The following PRKCA variants were observed in gnomAD, a reference collection of about 807,000 sequenced individuals.
The protein encoded by PRKCA is protein kinase C alpha type.
Under a neutral mutation model 87.0 loss-of-function variants are expected in PRKCA, and 27 were observed. That is an observed-to-expected ratio of 0.31 (90% CI 0.23 to 0.43). PRKCA has a LOEUF of 0.43. Ranked by LOEUF, PRKCA falls within the 20% of genes least tolerant of loss-of-function variation. The probability of loss-of-function intolerance (pLI) is 1.00; values close to 1 mark genes in which losing one functional copy is unlikely to be tolerated. For missense variants in PRKCA, 518 were observed against 852.3 expected (o/e 0.61, Z 4.88); for synonymous variants, 329 against 311.1 (o/e 1.06, Z -0.61).
chr17:66,569,729 A>G lies in PRKCA; in HGVS notation c.289-71626A>G, dbSNP rs180974269. On this transcript the variant is annotated intron_variant, in intron 3 of 16. Coordinates refer to ENST00000413366, the MANE Select transcript of PRKCA (RefSeq NM_002737.3). ...CAGGGGAATGCAAATTAAAACTGCA[A>G]TGGGATGTCACCAGCAGTCGTAAGA... 1.3e-3 allele frequency among the ~76,000 whole-genome samples: 194 copies of G among 152,342 alleles called. 1 individual carries two copies. Among genetic ancestry groups the G allele is most frequent in the African/African-American group, 4.4e-3 (185 of 41,586 alleles).
At chr17:66,772,716 T>G (rs138784514) in intron 13 of PRKCA, among the ~76,000 whole-genome samples, 2,141 of 152,086 alleles carry the variant, frequency 0.014, 24 homozygotes, top group Middle Eastern at 0.031. Flanking sequence ...TCCATGTTAC[T>G]CCCTTCCACG....
chr17:66,713,617 C>T (rs1445188921), intron 8 of PRKCA, among the ~76,000 whole-genome samples: 3 of 152,152 alleles, frequency 2.0e-5, no homozygotes, highest in Admixed American at 6.5e-5. Flanking sequence ...GGCTACTCTA[C>T]CTGAGAAAGA....
At chr17:66,758,845 G>A (rs1974615433) in intron 13 of PRKCA, among the ~76,000 whole-genome samples, 2 of 152,128 alleles carry the variant, frequency 1.3e-5, no homozygotes, top group Non-Finnish European at 2.9e-5. Flanking sequence ...ACTAACAAGA[G>A]CATCAGAGAA....
At chr17:66,559,621 A>G (rs1177797927) in intron 3 of PRKCA, among the ~76,000 whole-genome samples, 1 of 151,018 alleles carries the variant, frequency 6.6e-6, no homozygotes, top group East Asian at 1.9e-4. Flanking sequence ...CAATAAGGCA[A>G]ATTTTTTTTT....
intron 3 of PRKCA, among the ~76,000 whole-genome samples, chr17:66,548,999 G>A (rs1259792312): frequency 6.6e-6 from 1 of 151,972 alleles, no homozygotes; most frequent in African/African-American, 2.4e-5. Flanking sequence ...TAGAGATGGG[G>A]TTTTGCCATG....
intron 8 of PRKCA, among the ~76,000 whole-genome samples, chr17:66,701,691 T>C (rs1408476175): frequency 6.6e-6 from 1 of 152,124 alleles, no homozygotes; most frequent in Admixed American, 6.6e-5. Flanking sequence ...GACATACAAA[T>C]GGCCAACAGG....
chr17:66,739,828 T>C (rs919136919), intron 11 of PRKCA, among the ~76,000 whole-genome samples: 3 of 151,482 alleles, frequency 2.0e-5, no homozygotes, highest in African/African-American at 7.3e-5. Flanking sequence ...AGCCTGGCTG[T>C]GGAGGAGGGA....
intron 2 of PRKCA, among the ~76,000 whole-genome samples, chr17:66,430,850 G>C (rs769698774): frequency 4.6e-5 from 7 of 152,178 alleles, no homozygotes; most frequent in Non-Finnish European, 7.3e-5. Flanking sequence ...TCCCAGCACT[G>C]TAGCTTGATT....
At chr17:66,416,354 G>GC (rs1280170866) in intron 2 of PRKCA, 1 of 152,664 alleles carries the variant, frequency 6.6e-6, no homozygotes, top group Non-Finnish European at 1.5e-5. Context: ...CCACGTGTGT[G>GC]CCCGACGTGC....
At chr17:66,458,429 G>A (rs1366239961) in intron 2 of PRKCA, among the ~76,000 whole-genome samples, 1 of 152,058 alleles carries the variant, frequency 6.6e-6, no homozygotes, top group Non-Finnish European at 1.5e-5. Context: ...ATGCAACACT[G>A]CTAGGGTGCC....
At chr17:66,555,563 A>G (rs1968468870) in intron 3 of PRKCA, among the ~76,000 whole-genome samples, 1 of 152,150 alleles carries the variant, frequency 6.6e-6, no homozygotes, top group African/African-American at 2.4e-5. Flanking sequence ...CCTTGGAAGT[A>G]TATCTTGTAG....
At chr17:66,708,353 T>C (rs1973239565) in intron 8 of PRKCA, among the ~76,000 whole-genome samples, 1 of 152,036 alleles carries the variant, frequency 6.6e-6, no homozygotes, top group Admixed American at 6.5e-5. Flanking sequence ...AAGGATTCCC[T>C]GGGACCTCTT....
intron 2 of PRKCA, among the ~76,000 whole-genome samples, chr17:66,422,944 C>G (rs552845384): frequency 6.6e-6 from 1 of 152,188 alleles, no homozygotes; most frequent in East Asian, 1.9e-4. Context: ...AACCCCGTCT[C>G]TACTAAAAAT....
chr17:66,537,808 T>C (rs1967837150), intron 3 of PRKCA, among the ~76,000 whole-genome samples: 1 of 152,166 alleles, frequency 6.6e-6, no homozygotes, highest in Non-Finnish European at 1.5e-5. Context: ...TTTCTTTTAC[T>C]GGTTTGTTTA....
intron 16 of PRKCA, among the ~76,000 whole-genome samples, chr17:66,794,128 T>C (rs370001559): frequency 1.5e-4 from 23 of 152,246 alleles, no homozygotes; most frequent in East Asian, 9.6e-4. Context: ...AATTAATCTA[T>C]AATGTTAACA....
intron 5 of PRKCA, among the ~76,000 whole-genome samples, chr17:66,656,463 T>G (rs1278165733): frequency 6.6e-6 from 1 of 152,246 alleles, no homozygotes; most frequent in Non-Finnish European, 1.5e-5. Flanking sequence ...GGATTTTAAT[T>G]GCTTCTAATT....
intron 5 of PRKCA, among the ~76,000 whole-genome samples, chr17:66,653,318 A>G (rs66990738): frequency 0.58 from 87,574 of 152,074 alleles, 25,293 homozygotes; most frequent in Admixed American, 0.6. Context: ...AGTAGGCTGG[A>G]CATGGTGACT....
chr17:66,541,766 T>C (rs1377202660), intron 3 of PRKCA, among the ~76,000 whole-genome samples: 1 of 152,274 alleles, frequency 6.6e-6, no homozygotes, highest in Non-Finnish European at 1.5e-5. Flanking sequence ...ATATCTATTT[T>C]TGAGGTTTCA....
At chr17:66,516,655 G>A (rs1259014289) in intron 3 of PRKCA, among the ~76,000 whole-genome samples, 1 of 151,968 alleles carries the variant, frequency 6.6e-6, no homozygotes, top group Non-Finnish European at 1.5e-5. Context: ...ATAAGTTGCA[G>A]GACTTGATAT....
Sources: allele counts gnomAD v4.1 joint callset (sites outside exome capture counted in the v4.1 genomes callset), GRCh38; gene constraint gnomAD v4.1.1; transcripts MANE v1.5; gene names NCBI Gene and HGNC (gene_info 2026-07-23, HGNC 2026-07-21).